RUNDC3B: variants seen among roughly 807,000 people sequenced by gnomAD.
The protein encoded by RUNDC3B is RUN domain containing 3B, also known as RUN domain-containing protein 3B.
Under a neutral mutation model 58.4 loss-of-function variants are expected in RUNDC3B, and 33 were observed. The observed-to-expected ratio is 0.56, with a 90% CI of 0.43 to 0.75. The LOEUF is 0.75. Among genes scored for constraint, RUNDC3B ranks in the 30% least tolerant of loss-of-function variants. The probability of loss-of-function intolerance (pLI) is 0.00; values close to 1 mark genes in which losing one functional copy is unlikely to be tolerated. For synonymous variants in RUNDC3B, 193 were observed against 195.2 expected (o/e 0.99, Z 0.10); for missense variants, 501 against 535.7 (o/e 0.94, Z 0.64).
intron 3 of RUNDC3B, among the ~76,000 whole-genome samples, chr7:87,701,045 A>C (rs1462047487): frequency 6.6e-6 from 1 of 152,226 alleles, no homozygotes; most frequent in Non-Finnish European, 1.5e-5. Flanking sequence ...CTCAACTTTG[A>C]GGATCTGTCT....
chr7:87,691,185 T>G (rs1042109456), intron 2 of RUNDC3B, among the ~76,000 whole-genome samples: 2 of 152,146 alleles, frequency 1.3e-5, no homozygotes, highest in African/African-American at 4.8e-5. Context: ...TGGCCAATAG[T>G]CTTTTCTGTG....
intron 2 of RUNDC3B, among the ~76,000 whole-genome samples, chr7:87,653,859 T>C (rs1219577687): frequency 6.6e-6 from 1 of 152,020 alleles, no homozygotes; most frequent in Admixed American, 6.6e-5. Context: ...TTCTCAGAGC[T>C]GAGTAAAGTG....
At chr7:87,649,444 G>A (rs10267099) in intron 1 of RUNDC3B, among the ~76,000 whole-genome samples, 122,836 of 152,082 alleles carry the variant, frequency 0.81, 49,879 homozygotes, top group East Asian at 0.99. Flanking sequence ...AACACAAATG[G>A]TAGCAGTAAG....
chr7:87,655,972 G>A (rs545184559), intron 2 of RUNDC3B, among the ~76,000 whole-genome samples: 55 of 152,188 alleles, frequency 3.6e-4, no homozygotes, highest in African/African-American at 1.3e-3. Context: ...AGAGGATGTA[G>A]TGTTCAAGGT....
Position 87,831,098 on chromosome 7 carries a change from A to G in RUNDC3B, c.*1068A>G, listed in dbSNP as rs909316224. 2 of 150,372 alleles carry G rather than the reference A, an allele frequency of 1.3e-5. No individual in the cohort carries two copies. Among genetic ancestry groups the G allele is most frequent in the African/African-American group, 4.9e-5 (2 of 40,792 alleles). 9.3% of individuals were successfully genotyped at this position (150,372 alleles called of 1,614,324 possible). ...TTAGTTTTTTTTTTTTTAAAGTTGT[A>G]ATCTGTACTTTTTTTTTTTTGCAAT... On this transcript the variant is annotated 3_prime_UTR_variant, in exon 11 of 11. Transcript: ENST00000394654.
At chr7:87,782,197 G>A (rs769870628) in intron 8 of RUNDC3B, among the ~76,000 whole-genome samples, 1 of 151,980 alleles carries the variant, frequency 6.6e-6, no homozygotes, top group Non-Finnish European at 1.5e-5. Context: ...GTTTAATCTT[G>A]GGAGATTGTG....
chr7:87,742,676 G>A (rs1046874355), intron 6 of RUNDC3B, among the ~76,000 whole-genome samples: 3 of 152,020 alleles, frequency 2.0e-5, no homozygotes, highest in Non-Finnish European at 2.9e-5. Context: ...AATTTATCAT[G>A]CATTCTTGGA....
Position 87,628,830 on chromosome 7 carries a change from TC to T in RUNDC3B, c.10del (p.Arg4GlyfsTer6). MA[S>X]RSLGGLSGIR... The stretch of plus-strand genomic sequence containing the variant: ...GCACGGGGGTAAGCCCGCCATGGCC[TC>T]CCGGAGCCTGGGGGGCCTGAGCGGG... On this transcript the variant is annotated frameshift_variant, in exon 1 of 11. Coordinates refer to ENST00000394654, the MANE Select transcript of RUNDC3B (RefSeq NM_001134405.2). LOFTEE classifies it high-confidence loss of function. 8.0e-7 allele frequency: 1 copy of T among 1,253,026 alleles called. No individual in the cohort carries two copies. The highest frequency in any genetic ancestry group is 1.0e-6 in the Non-Finnish European group (1 of 989,300). The allele number at this position is 1,253,026 out of a possible 1,614,324, so 77.6% of individuals were successfully genotyped here.
chr7:87,629,594 G>A (rs1477885651), intron 1 of RUNDC3B, among the ~76,000 whole-genome samples: 1 of 152,138 alleles, frequency 6.6e-6, no homozygotes, highest in Non-Finnish European at 1.5e-5. Context: ...AACTGTAAAT[G>A]TAGTATTTCC....
chr7:87,754,690 A>G (rs770453866), intron 6 of RUNDC3B, among the ~76,000 whole-genome samples: 1 of 152,128 alleles, frequency 6.6e-6, no homozygotes, highest in Non-Finnish European at 1.5e-5. Flanking sequence ...GTTCCAAGCT[A>G]GACTAATAAA....
At chr7:87,674,217 G>GGT (rs1826100975) in intron 2 of RUNDC3B, among the ~76,000 whole-genome samples, 1 of 152,172 alleles carries the variant, frequency 6.6e-6, no homozygotes, top group South Asian at 2.1e-4. Context: ...AGTATAGCGA[G>GGT]GTACACCCTC....
intron 10 of RUNDC3B, among the ~76,000 whole-genome samples, chr7:87,819,397 G>A (rs926720188): frequency 6.6e-6 from 1 of 152,026 alleles, no homozygotes; most frequent in African/African-American, 2.4e-5. Context: ...CAAGTCCTTA[G>A]TGACCTACAA....
intron 2 of RUNDC3B, among the ~76,000 whole-genome samples, chr7:87,682,155 A>T (rs1022012621): frequency 3.3e-5 from 5 of 152,194 alleles, no homozygotes; most frequent in Non-Finnish European, 7.3e-5. Context: ...TGATCATAAG[A>T]TTGCAATAAT....
chr7:87,715,008 A>C (rs1019396648), intron 4 of RUNDC3B, among the ~76,000 whole-genome samples: 1 of 151,776 alleles, frequency 6.6e-6, no homozygotes, highest in South Asian at 2.1e-4. Flanking sequence ...TACAATAATT[A>C]GGAGCATTTC....
intron 2 of RUNDC3B, among the ~76,000 whole-genome samples, chr7:87,659,687 A>G (rs1468192417): frequency 1.3e-5 from 2 of 152,200 alleles, no homozygotes; most frequent in African/African-American, 2.4e-5. Context: ...AGTCCGGGGT[A>G]TAAGAGGTAA....
At chr7:87,782,779 G>T (rs1394536735) in intron 8 of RUNDC3B, among the ~76,000 whole-genome samples, 4 of 151,998 alleles carry the variant, frequency 2.6e-5, no homozygotes, top group African/African-American at 9.7e-5. Context: ...GATTTTGAGA[G>T]ATTTTCTTGC....
At chr7:87,690,937 A>G (rs1827955453) in intron 2 of RUNDC3B, among the ~76,000 whole-genome samples, 1 of 151,152 alleles carries the variant, frequency 6.6e-6, no homozygotes, top group Non-Finnish European at 1.5e-5. Flanking sequence ...ATATATGCAG[A>G]GAGAGAGAGA....
chr7:87,661,117 T>A lies in RUNDC3B; in HGVS notation c.238+10180T>A, dbSNP rs185432241. 1.5e-3 allele frequency among the ~76,000 whole-genome samples: 224 copies of A among 152,182 alleles called. 5 individuals are homozygous for A. The highest frequency in any genetic ancestry group is 0.014 in the Admixed American group (220 of 15,262). On this transcript the variant is annotated intron_variant, in intron 2 of 10. Coordinates refer to ENST00000394654, the MANE Select transcript of RUNDC3B (RefSeq NM_001134405.2). ...ATTTTATTCTGATAGATTACATTTT[T>A]AAAATTTTTAATTTTATGGGTACAT... is the stretch of plus-strand genomic sequence containing the variant.
chr7:87,642,209 TG>T (rs1490439680), intron 1 of RUNDC3B, among the ~76,000 whole-genome samples: 1 of 152,132 alleles, frequency 6.6e-6, no homozygotes, highest in African/African-American at 2.4e-5. Context: ...AAAACTGTGC[TG>T]TCTTGATTGT....
Sources: gnomAD v4.1 joint callset for allele counts (sites outside exome capture counted in the v4.1 genomes callset) on GRCh38, gnomAD v4.1.1 for gene constraint, MANE v1.5 for transcripts, NCBI Gene and HGNC (gene_info 2026-07-23, HGNC 2026-07-21) for gene names.